The following PHLDA1 variants were observed in gnomAD, a reference collection of about 807,000 sequenced individuals.
PHLDA1 encodes pleckstrin homology like domain family A member 1.
PHLDA1 carries 28 observed loss-of-function variants against 33.8 expected under a neutral mutation model. The ratio of observed to expected loss-of-function variants is 0.83; its 90% CI spans 0.61 to 1.14. The LOEUF (loss-of-function observed/expected upper bound fraction) is 1.14. Among genes scored for constraint, PHLDA1 ranks in the 50% most tolerant of loss-of-function variants. The probability of loss-of-function intolerance (pLI) is 0.00; values close to 1 mark genes in which losing one functional copy is unlikely to be tolerated. For missense variants in PHLDA1, 595 were observed against 548.6 expected (o/e 1.08, Z -0.84); for synonymous variants, 271 against 243.6 (o/e 1.11, Z -1.05).
chr12:76,031,411 C>T lies in PHLDA1; in HGVS notation c.331G>A (p.Glu111Lys). ...AGCAGCAGCAGCCTCGCGCCGTCCT[C>T]GCCCCAGCGGCTCCCACGGCCGCCT... The change falls in exon 1 of 2, where the codon GAG (glutamate) becomes AAG (lysine). Residue 111 changes from glutamate to lysine, a missense_variant. By Grantham distance (56) the Glu-to-Lys change is moderately conservative (BLOSUM62 1). This residue lies in a region of PHLDA1 where 263 missense variants were observed against 232.3 expected (regional missense o/e 1.13). Transcript: ENST00000266671. This position sits in a 1 kb window ranked among gnomAD's most constrained non-coding sequence, Gnocchi z 5.4. 2 of 1,575,426 alleles carry T rather than the reference C, an allele frequency of 1.3e-6. No individual in the cohort carries two copies. The highest frequency in any genetic ancestry group is 1.7e-6 in the Non-Finnish European group (2 of 1,162,130).
At position 76,031,117 on chromosome 12, in the gene PHLDA1, GC is replaced by G; in HGVS notation, c.624del (p.Pro209ArgfsTer29). 2 of 1,607,966 alleles carry G rather than the reference GC, an allele frequency of 1.2e-6. No individual in the cohort carries two copies. Among genetic ancestry groups the G allele is most frequent in the Non-Finnish European group, 1.7e-6 (2 of 1,179,402 alleles). ...CCACTGGGTTGGGACGGCTCGGCCGGCCCCTGCCCGGGCTGTTGTTGCTGCT... is the reference window on the plus strand; with the variant it reads ...CCACTGGGTTGGGACGGCTCGGCCGGCCCTGCCCGGGCTGTTGTTGCTGCT... On this transcript the variant is annotated frameshift_variant, in exon 1 of 2. Transcript: ENST00000266671. LOFTEE classifies it high-confidence loss of function. The surrounding 1 kb of genome is among the most constrained non-coding windows in gnomAD (Gnocchi z 5.4).
intron 1 of PHLDA1, 32 bp downstream of exon 1, chr12:76,030,478 A>G: frequency 1.3e-6 from 2 of 1,563,044 alleles, no homozygotes; most frequent in Non-Finnish European, 1.7e-6. Context: ...CCCGAGACCC[A>G]CTCCTCGGGA....
At chr12:76,028,210 A>G (rs1293659432) in exon 2 of PHLDA1, 6 of 143,142 alleles carry the variant, frequency 4.2e-5, no homozygotes, top group East Asian at 1.9e-4. Flanking sequence ...ACATATTCAT[A>G]TATGTGTACA....
At chr12:76,030,577 G>C (rs772313788) in exon 1 of PHLDA1, 1 of 1,613,938 alleles carries the variant, frequency 6.2e-7, no homozygotes, top group Non-Finnish European at 8.5e-7. Context: ...CGGTGCCCGT[G>C]CGGCTGCGAG....
chr12:76,031,143 T>C lies in PHLDA1; in HGVS notation c.599A>G (p.Gln200Arg). The C allele has an allele frequency of 6.7e-7, 1 of 1,488,924 alleles. No homozygotes were observed. Among genetic ancestry groups the C allele is most frequent in the Non-Finnish European group, 8.9e-7 (1 of 1,127,728 alleles). 92.2% of individuals were successfully genotyped at this position (1,488,924 alleles called of 1,614,324 possible). ...CCCCTGCCCGGGCTGTTGTTGCTGC[T>C]GCTGCTGCTGCTGTTGCTGCTGCTG... The change falls in exon 1 of 2, where the codon CAG becomes CGG. Residue 200 changes from glutamine (Q) to arginine (R), a missense_variant. This residue lies in a region of PHLDA1 where 328 missense variants were observed against 295.7 expected (regional missense o/e 1.11). Coordinates refer to ENST00000266671, the Ensembl canonical transcript of PHLDA1. This position sits in a 1 kb window ranked among gnomAD's most constrained non-coding sequence, Gnocchi z 5.4.
In PHLDA1 at chr12:76,031,673, C is replaced by G. The variant is rs757387183; in HGVS notation, c.69G>C (p.Glu23Asp). 4.7e-6 allele frequency: 7 copies of G among 1,488,982 alleles called. No homozygotes were observed. The highest frequency in any genetic ancestry group is 2.4e-5 in the Admixed American group (1 of 41,838). The allele number at this position is 1,488,982 out of a possible 1,614,324, so 92.2% of individuals were successfully genotyped here. The stretch of plus-strand genomic sequence containing the variant: ...GAGTGACACCCAGCGGAAAAGGCGG[C>G]TCCTGGCGCCCGCACCGCGGGGGAA... The change falls in exon 1 of 2, where the codon GAG (glutamate) becomes GAC (aspartate). Residue 23 changes from glutamate (E) to aspartate (D), a missense_variant. By Grantham distance (45) the Glu-to-Asp change is conservative. Transcript: ENST00000266671. This position sits in a 1 kb window ranked among gnomAD's most constrained non-coding sequence, Gnocchi z 5.4.
Position 76,031,775 on chromosome 12 carries a change from A to C in PHLDA1, c.-34T>G. The stretch of plus-strand genomic sequence containing the variant: ...GGCCTTTCCAAAGCCCGCTGCGTCC[A>C]CGCCCTCCAGCGTCTCTTGCTCCGC... On this transcript the variant is annotated 5_prime_UTR_variant, in exon 1 of 2. Coordinates refer to ENST00000266671, the Ensembl canonical transcript of PHLDA1. This position sits in a 1 kb window ranked among gnomAD's most constrained non-coding sequence, Gnocchi z 5.4. The C allele has an allele frequency of 3.0e-6, 4 of 1,334,374 alleles. No individual in the cohort carries two copies. Among genetic ancestry groups the C allele is most frequent in the Non-Finnish European group, 3.9e-6 (4 of 1,038,860 alleles). The allele number at this position is 1,334,374 out of a possible 1,614,324, so 82.7% of individuals were successfully genotyped here.
exon 2 of PHLDA1, chr12:76,026,273 G>C (rs1286830866): frequency 6.6e-6 from 1 of 152,212 alleles, no homozygotes. Context: ...AGGATTCTGT[G>C]CTATAAAATT....
rs746099269 is a variant in PHLDA1, at chr12:76,031,690, G to A, written c.52C>T (p.Arg18Trp). ...AAAGGCGGCTCCTGGCGCCCGCACC[G>A]CGGGGGAAAGCCCAGCTCCAAGAGG... is the stretch of plus-strand genomic sequence containing the variant. Residue 18 changes from arginine (R) to tryptophan (W), a missense_variant, in exon 1 of 2, where the codon CGG (arginine) becomes TGG (tryptophan). By Grantham distance (101) the Arg-to-Trp change is moderately radical. Around this residue, in one of 3 missense-constraint regions of PHLDA1, gnomAD observed 263 missense variants for 232.3 expected, o/e 1.13. Coordinates refer to ENST00000266671, the Ensembl canonical transcript of PHLDA1. The surrounding 1 kb of genome is among the most constrained non-coding windows in gnomAD (Gnocchi z 5.4). 2 of 1,455,500 alleles carry A rather than the reference G, an allele frequency of 1.4e-6. No individual in the cohort carries two copies. The highest frequency in any genetic ancestry group is 1.8e-6 in the Non-Finnish European group (2 of 1,102,332). The allele number at this position is 1,455,500 out of a possible 1,614,324, so 90.2% of individuals were successfully genotyped here.
Position 76,031,453 on chromosome 12 carries a change from G to C in PHLDA1, c.289C>G (p.Leu97Val), listed in dbSNP as rs781281741. 1 of 1,541,438 alleles carries C rather than the reference G, an allele frequency of 6.5e-7. No homozygotes were observed. The highest frequency in any genetic ancestry group is 8.7e-7 in the Non-Finnish European group (1 of 1,145,366). ...CGGCCGCCTGCCCGGAGCGCGCAGA[G>C]GAGGCTAACACGCAGGAGGCAGAGC... Residue 97 changes from leucine (L) to valine (V), a missense_variant, in exon 1 of 2, where the codon CTC becomes GTC. This residue lies in a region of PHLDA1 where 263 missense variants were observed against 232.3 expected (regional missense o/e 1.13). Coordinates refer to ENST00000266671, the Ensembl canonical transcript of PHLDA1. The surrounding 1 kb of genome is among the most constrained non-coding windows in gnomAD (Gnocchi z 5.4).
chr12:76,030,233 G>C, intron 1 of PHLDA1, 141 bp from the exon 2 acceptor site: 2 of 500,778 alleles, frequency 4.0e-6, no homozygotes, highest in Non-Finnish European at 7.2e-6. Flanking sequence ...TAGTCAAGTG[G>C]GGCTGGGGGA....
Position 76,031,024 on chromosome 12 carries a change from C to T in PHLDA1, c.718G>A (p.Val240Met). The T allele has an allele frequency of 1.2e-6, 2 of 1,612,854 alleles. No homozygotes were observed. ...TTGCCCTTGCGCTCCACACAGTCCA[C>T]GGTCTTCATGTTGGAGAAGTGCAGT... The change falls in exon 1 of 2, where the codon GTG becomes ATG. Residue 240 changes from valine to methionine, a missense_variant. Val to Met is a conservative substitution (Grantham distance 21). Transcript: ENST00000266671. This position sits in a 1 kb window ranked among gnomAD's most constrained non-coding sequence, Gnocchi z 5.4.
exon 2 of PHLDA1, chr12:76,029,864 A>G (rs187525977): frequency 6.3e-4 from 97 of 152,788 alleles, no homozygotes; most frequent in African/African-American, 2.2e-3. Flanking sequence ...TAGAAAATTC[A>G]CCATACAAGA....
chr12:76,031,335 G>A lies in PHLDA1; in HGVS notation c.407C>T (p.Pro136Leu), dbSNP rs1458461442. The stretch of plus-strand genomic sequence containing the variant: ...CTCCAGCATCCTCCCAGCATAAGAG[G>A]GGCCGCCGCTTGGCTCGGCCTCTCC... The change falls in exon 1 of 2, where the codon CCC (proline) becomes CTC (leucine). Residue 136 changes from proline to leucine, a missense_variant. This residue lies in a region of PHLDA1 where 263 missense variants were observed against 232.3 expected (regional missense o/e 1.13). Coordinates refer to ENST00000266671, the Ensembl canonical transcript of PHLDA1. The surrounding 1 kb of genome is among the most constrained non-coding windows in gnomAD (Gnocchi z 5.4). The A allele has an allele frequency of 4.3e-6, 7 of 1,612,458 alleles. No homozygotes were observed. The highest frequency in any genetic ancestry group is 5.9e-6 in the Non-Finnish European group (7 of 1,179,612).
chr12:76,031,139 C>T lies in PHLDA1; in HGVS notation c.603G>A (p.Gln201=), dbSNP rs371223910. 44 of 1,487,376 alleles carry T rather than the reference C, an allele frequency of 3.0e-5. No homozygotes were observed. Among genetic ancestry groups the T allele is most frequent in the African/African-American group, 1.7e-4 (7 of 40,190 alleles). 92.1% of individuals were successfully genotyped at this position (1,487,376 alleles called of 1,614,324 possible). ...CCGGCCCCTGCCCGGGCTGTTGTTGCTGCTGCTGCTGCTGCTGTTGCTGCT... is the reference window on the plus strand; with the variant it reads ...CCGGCCCCTGCCCGGGCTGTTGTTGTTGCTGCTGCTGCTGCTGTTGCTGCT... The change falls in exon 1 of 2, where the codon CAG becomes CAA. Residue 201 remains glutamine, a synonymous_variant. Coordinates refer to ENST00000266671, the Ensembl canonical transcript of PHLDA1. This position sits in a 1 kb window ranked among gnomAD's most constrained non-coding sequence, Gnocchi z 5.4.
chr12:76,030,508 AC>A lies in PHLDA1; in HGVS notation c.*26+1del. On this transcript the variant is annotated splice_donor_variant, in intron 1 of 1. Transcript: ENST00000266671. LOFTEE classifies it low-confidence loss of function (3UTR_SPLICE). Reference sequence around the variant, plus strand: ...TCGGGAGCGCGAGTGCCGGGACCTTACCTTGTCTTGCCCGGGAGCTGCCCCT... The same window carrying A: ...TCGGGAGCGCGAGTGCCGGGACCTTACTTGTCTTGCCCGGGAGCTGCCCCT... The A allele has an allele frequency of 1.2e-6, 2 of 1,605,136 alleles. No homozygotes were observed. Among genetic ancestry groups the A allele is most frequent in the Non-Finnish European group, 1.7e-6 (2 of 1,174,572 alleles).
Position 76,031,214 on chromosome 12 carries a change from C to G in PHLDA1, c.528G>C (p.Glu176Asp), listed in dbSNP as rs1870900920. The G allele has an allele frequency of 7.4e-6, 12 of 1,613,540 alleles. No homozygotes were observed. In the East Asian group the frequency reaches 2.7e-4, roughly 36 times the overall value. Residue 176 changes from glutamate (E) to aspartate (D), a missense_variant, in exon 1 of 2, where the codon GAG becomes GAC. Physicochemically the swap from Glu to Asp is conservative, Grantham distance 45. This residue lies in a region of PHLDA1 where 328 missense variants were observed against 295.7 expected (regional missense o/e 1.11). Coordinates refer to ENST00000266671, the Ensembl canonical transcript of PHLDA1. The surrounding 1 kb of genome is among the most constrained non-coding windows in gnomAD (Gnocchi z 5.4). Reference sequence around the variant, plus strand: ...TGGGCGGGATAAGCAGCAGCCCTTCCTCGGTGAGGATGCAACACTTTTTCT... The same window carrying G: ...TGGGCGGGATAAGCAGCAGCCCTTCGTCGGTGAGGATGCAACACTTTTTCT...
chr12:76,025,868 A>G (rs1375545867), exon 2 of PHLDA1: 1 of 152,170 alleles, frequency 6.6e-6, no homozygotes, highest in Admixed American at 6.5e-5. Flanking sequence ...TTCATTGGAC[A>G]ATATTGCCCT....
exon 2 of PHLDA1, chr12:76,028,361 A>G (rs1027312146): frequency 6.6e-6 from 1 of 152,184 alleles, no homozygotes; most frequent in Non-Finnish European, 1.5e-5. Flanking sequence ...GGTCCACTTA[A>G]GTTTTGTTTG....
Sources: gnomAD v4.1 joint callset for allele counts on GRCh38, gnomAD v4.1.1 for gene constraint, gnomAD v4.1.1 regional missense constraint, Gnocchi (gnomAD v3.1) non-coding constraint, MANE v1.5 for transcripts, NCBI Gene and HGNC (gene_info 2026-07-23, HGNC 2026-07-21) for gene names.